XKR4: variants seen among roughly 807,000 people sequenced by gnomAD.
XKR4 encodes the protein XK related 4, also known as XK-related protein 4.
XKR4 carries 12 observed loss-of-function variants against 53.9 expected under a neutral mutation model. The ratio of observed to expected loss-of-function variants is 0.22; its 90% CI spans 0.14 to 0.36. XKR4 has a LOEUF of 0.36. XKR4 is among the 10% of genes least tolerant of loss of function. XKR4 has a pLI of 1.00. For missense variants in XKR4, 799 were observed against 859.5 expected (o/e 0.93, Z 0.88); for synonymous variants, 354 against 362.4 (o/e 0.98, Z 0.26).
chr8:55,199,695 C>T (rs1235566029), intron 1 of XKR4, among the ~76,000 whole-genome samples: 1 of 152,142 alleles, frequency 6.6e-6, no homozygotes, highest in African/African-American at 2.4e-5. Context: ...GGATCACTAA[C>T]ATTAGAGAAA....
chr8:55,444,488 T>C (rs1473162339), intron 2 of XKR4, among the ~76,000 whole-genome samples: 1 of 152,180 alleles, frequency 6.6e-6, no homozygotes, highest in African/African-American at 2.4e-5. Context: ...AGGATTAGTA[T>C]CCAGAATATG....
chr8:55,513,319 C>T (rs1585614074), intron 2 of XKR4, among the ~76,000 whole-genome samples: 4 of 152,238 alleles, frequency 2.6e-5, no homozygotes, highest in South Asian at 4.2e-4. Context: ...GGCATGTGGG[C>T]CATCGAATTC....
chr8:55,439,337 A>AAACTCTCTAAACAGGG (rs1554525635), intron 2 of XKR4, among the ~76,000 whole-genome samples: 2 of 151,134 alleles, frequency 1.3e-5, no homozygotes, highest in African/African-American at 4.9e-5. Flanking sequence ...TTCCCAATCA[A>AAACTCTCTAAACAGGG]AATTCTCTAA....
chr8:55,428,626 C>T (rs1163125273), intron 2 of XKR4, among the ~76,000 whole-genome samples: 3 of 152,218 alleles, frequency 2.0e-5, no homozygotes, highest in Non-Finnish European at 4.4e-5. Flanking sequence ...TCTCAACTCC[C>T]CCGTGTGTCA....
intron 1 of XKR4, among the ~76,000 whole-genome samples, chr8:55,294,978 C>A (rs1237154473): frequency 2.0e-5 from 3 of 152,188 alleles, no homozygotes; most frequent in African/African-American, 4.8e-5. Flanking sequence ...TCATATATTT[C>A]TCTCATTTTC....
At chr8:55,136,597 A>T (rs1816634147) in intron 1 of XKR4, among the ~76,000 whole-genome samples, 1 of 152,238 alleles carries the variant, frequency 6.6e-6, no homozygotes, top group Non-Finnish European at 1.5e-5. Context: ...CAGTCAAACA[A>T]TAATAATTGG....
chr8:55,247,028 G>A (rs1478463520), intron 1 of XKR4, among the ~76,000 whole-genome samples: 2 of 152,208 alleles, frequency 1.3e-5, no homozygotes, highest in African/African-American at 4.8e-5. Context: ...AAAAGGGAAA[G>A]ACAAGTGTAC....
chr8:55,337,968 G>A (rs1310490930), intron 1 of XKR4, among the ~76,000 whole-genome samples: 2 of 152,162 alleles, frequency 1.3e-5, no homozygotes, highest in South Asian at 2.1e-4. Context: ...GCTATGAACA[G>A]CATGTCTCCC....
At chr8:55,296,733 G>A (rs1166792788) in intron 1 of XKR4, among the ~76,000 whole-genome samples, 1 of 152,094 alleles carries the variant, frequency 6.6e-6, no homozygotes, top group Non-Finnish European at 1.5e-5. Context: ...AGACTATGCA[G>A]GACCAGAGGA....
intron 1 of XKR4, among the ~76,000 whole-genome samples, chr8:55,240,781 C>T (rs1234009392): frequency 1.3e-5 from 2 of 152,130 alleles, no homozygotes; most frequent in African/African-American, 2.4e-5. Context: ...AACTTTATGG[C>T]CGTGACATTT....
At chr8:55,188,056 T>C (rs751677695) in intron 1 of XKR4, among the ~76,000 whole-genome samples, 1 of 152,208 alleles carries the variant, frequency 6.6e-6, no homozygotes, top group Non-Finnish European at 1.5e-5. Context: ...GCCGGTATCA[T>C]TTTTTAACCT....
At chr8:55,450,958 G>A (rs11783376) in intron 2 of XKR4, 5 of 505,954 alleles carry the variant, frequency 9.9e-6, no homozygotes, top group Non-Finnish European at 1.5e-5. Flanking sequence ...AAGGAGACTA[G>A]GCTGGGCTCA....
At chr8:55,172,101 C>T (rs956799943) in intron 1 of XKR4, among the ~76,000 whole-genome samples, 1 of 151,958 alleles carries the variant, frequency 6.6e-6, no homozygotes, top group Admixed American at 6.6e-5. Flanking sequence ...GTAATCCTAG[C>T]TACTCACAAG....
At chr8:55,264,951 G>T (rs1818576349) in intron 1 of XKR4, among the ~76,000 whole-genome samples, 1 of 152,178 alleles carries the variant, frequency 6.6e-6, no homozygotes, top group Admixed American at 6.5e-5. Flanking sequence ...GTCTCTTCTA[G>T]CTGCTAGATG....
intron 2 of XKR4, among the ~76,000 whole-genome samples, chr8:55,364,089 GC>G (rs1270630299): frequency 6.6e-6 from 1 of 152,126 alleles, no homozygotes; most frequent in Non-Finnish European, 1.5e-5. Context: ...TGAGAGGGGG[GC>G]TTACAGCACT....
chr8:55,328,640 G>T (rs890344957), intron 1 of XKR4, among the ~76,000 whole-genome samples: 1 of 152,150 alleles, frequency 6.6e-6, no homozygotes, highest in Non-Finnish European at 1.5e-5. Context: ...AGAGAGCAGA[G>T]CCCAGCCCCT....
intron 2 of XKR4, among the ~76,000 whole-genome samples, chr8:55,481,415 A>G (rs1381116295): frequency 1.3e-5 from 2 of 152,004 alleles, no homozygotes; most frequent in African/African-American, 4.8e-5. Context: ...TTAAAGACTT[A>G]CATGTTAGAC....
chr8:55,371,849 C>A (rs1197650324), intron 2 of XKR4, among the ~76,000 whole-genome samples: 1 of 152,186 alleles, frequency 6.6e-6, no homozygotes, highest in African/African-American at 2.4e-5. Flanking sequence ...GGTATATCAA[C>A]CCCCAGCACA....
At chr8:55,238,357 A>T (rs1311221940) in intron 1 of XKR4, among the ~76,000 whole-genome samples, 2 of 152,234 alleles carry the variant, frequency 1.3e-5, no homozygotes, top group Non-Finnish European at 2.9e-5. Context: ...GTGGATCATC[A>T]TAAAGGTGTT....
Sources: gnomAD v4.1 joint callset for allele counts (sites outside exome capture counted in the v4.1 genomes callset) on GRCh38, gnomAD v4.1.1 for gene constraint, MANE v1.5 for transcripts, NCBI Gene and HGNC (gene_info 2026-07-23, HGNC 2026-07-21) for gene names.